Variants in PDLIM2 observed in about 807,000 individuals in gnomAD.
PDLIM2 encodes PDZ and LIM domain protein 2.
In PDLIM2, 51 loss-of-function variants were observed where a neutral mutation model predicts 54.1. That is an observed-to-expected ratio of 0.94 (90% CI 0.75 to 1.19). The LOEUF (loss-of-function observed/expected upper bound fraction) is 1.19, where lower values mean the gene tolerates loss of function less well. PDLIM2 is among the 50% of genes most tolerant of loss of function. The pLI, the probability that PDLIM2 is intolerant of heterozygous loss-of-function variation, is 0.00. For synonymous variants in PDLIM2, 398 were observed against 385.6 expected, an observed-to-expected ratio of 1.03 and a Z score of -0.38; for missense variants, 912 against 874.0, an observed-to-expected ratio of 1.04 and a Z score of -0.55.
Position 22,579,396 on chromosome 8 carries a change from T to TCCTCCAG in PDLIM2, c.620_626dup (p.Arg212ProfsTer18), listed in dbSNP as rs1227764687. On this transcript the variant is annotated frameshift_variant, in exon 1 of 10. Transcript: ENST00000308354. LOFTEE classifies it high-confidence loss of function. ...GCGCTCTCCCCGGCCGGAGCGCTCC[T>TCCTCCAG]CCTCCAGCCCCCAGCCCGCAGGGTA... is the stretch of plus-strand genomic sequence containing the variant. 6.6e-7 allele frequency: 1 copy of TCCTCCAG among 1,506,452 alleles called. No individual in the cohort carries two copies. The highest frequency in any genetic ancestry group is 1.4e-5 in the African/African-American group (1 of 69,614). 93.3% of individuals were successfully genotyped at this position (1,506,452 alleles called of 1,614,324 possible).
chr8:22,585,105 C>A lies in PDLIM2; in HGVS notation c.1154C>A (p.Pro385His), dbSNP rs776568179. The A allele has an allele frequency of 1.9e-6, 3 of 1,613,832 alleles. No individual in the cohort carries two copies. The African/African-American group carries it at 4.0e-5, about 22-fold the overall frequency. ...TCCCTCAGCCCGAGGGCCGGCAGCC[C>A]CTTCTCACCACCACCCTCTAGCAGC... The change falls in exon 5 of 10, where the codon CCC (proline) becomes CAC (histidine). Residue 385 changes from proline (P) to histidine (H), a missense_variant. By Grantham distance (77) the Pro-to-His change is moderately conservative (BLOSUM62 -2). Coordinates refer to ENST00000308354, the Ensembl canonical transcript of PDLIM2.
At chr8:22,591,384 G>C (rs904309913) in intron 8 of PDLIM2, 167 bp from the exon 8 acceptor site, 2 of 671,570 alleles carry the variant, frequency 3.0e-6, no homozygotes, top group African/African-American at 3.6e-5. Context: ...CCCAGCCTCA[G>C]CCATGGATCT....
At chr8:22,594,518 C>T (rs1196007399), downstream of PDLIM2, 5 of 1,613,746 alleles carry the variant, frequency 3.1e-6, no homozygotes, top group Non-Finnish European at 4.2e-6. Context: ...TGTAAAGATG[C>T]CCGTTTTACA....
At position 22,581,178 on chromosome 8, in the gene PDLIM2, C is replaced by T. The variant is rs947114511; in HGVS notation, c.844-201C>T. 4.5e-5 allele frequency: 30 copies of T among 666,734 alleles called. No homozygotes were observed. In the South Asian group the frequency reaches 5.0e-4, roughly 11 times the overall value. 41.3% of individuals were successfully genotyped at this position (666,734 alleles called of 1,614,324 possible). On this transcript the variant is annotated intron_variant, in intron 2 of 9. Transcript: ENST00000308354. ...ATTCTTTGGGAGGCCCATTAGAATGCCAGTGTGGGGTGGGGGCTGCCACCT... is the reference window on the plus strand; with the variant it reads ...ATTCTTTGGGAGGCCCATTAGAATGTCAGTGTGGGGTGGGGGCTGCCACCT...
At chr8:22,591,872 T>A (rs972403536) in intron 9 of PDLIM2, 2 of 500,432 alleles carry the variant, frequency 4.0e-6, no homozygotes, top group East Asian at 3.4e-5. Context: ...TGCTTCCGGC[T>A]GCATCTCCTC....
At chr8:22,594,435 C>A, downstream of PDLIM2, 1 of 1,599,952 alleles carries the variant, frequency 6.3e-7, no homozygotes, top group Non-Finnish European at 8.5e-7. Context: ...CTGCCAGTTG[C>A]CTGCACCTGA....
chr8:22,578,756 G>A, exon 1 of PDLIM2: 1 of 1,233,574 alleles, frequency 8.1e-7, no homozygotes, highest in Middle Eastern at 2.2e-4. Flanking sequence ...CACCCAGGCA[G>A]CCCACCCTGC....
chr8:22,589,714 C>A (rs1358362011), exon 8 of PDLIM2: 1 of 1,570,544 alleles, frequency 6.4e-7, no homozygotes, highest in Admixed American at 1.8e-5. Flanking sequence ...TCGGCTCTTG[C>A]AGGAAGCCCT....
At chr8:22,594,052 C>T in exon 10 of PDLIM2, 3 of 1,448,282 alleles carry the variant, frequency 2.1e-6, no homozygotes, top group Admixed American at 2.6e-5. Context: ...GCTGGGTGGG[C>T]CAAGGTCTGG....
At chr8:22,589,738 A>G in exon 8 of PDLIM2, 3 of 1,564,450 alleles carry the variant, frequency 1.9e-6, no homozygotes, top group Non-Finnish European at 2.6e-6. Flanking sequence ...GGCTGAGGAG[A>G]GAGGTGAGGG....
chr8:22,579,131 G>A, exon 1 of PDLIM2: 1 of 1,306,998 alleles, frequency 7.7e-7, no homozygotes, highest in Non-Finnish European at 9.7e-7. Flanking sequence ...GCTCTCCCCA[G>A]AGTCGGGTAG....
At chr8:22,589,306 C>G in exon 7 of PDLIM2, 1 of 1,534,050 alleles carries the variant, frequency 6.5e-7, no homozygotes, top group Non-Finnish European at 8.7e-7. Context: ...AGGCCGGCCT[C>G]GGCCGCGCTG....
At chr8:22,597,465 C>T (rs1800704122), downstream of PDLIM2, 1 of 152,426 alleles carries the variant, frequency 6.6e-6, no homozygotes, top group African/African-American at 2.4e-5. Flanking sequence ...GCGCCATGGC[C>T]TGGAGGGGAG....
rs372951402 is a variant in PDLIM2, at chr8:22,585,305, C to T, written c.1212-16C>T. The T allele has an allele frequency of 2.5e-6, 4 of 1,612,860 alleles. No individual in the cohort carries two copies. The highest frequency in any genetic ancestry group is 3.4e-6 in the Non-Finnish European group (4 of 1,179,786). ...GGGGGTGGCCCTGGCACACACTGTC[C>T]CTTTCCCACTTTCAGCTTCCAGAGT... On this transcript the variant is annotated splice_polypyrimidine_tract_variant and intron_variant, in intron 5 of 9. Coordinates refer to ENST00000308354, the Ensembl canonical transcript of PDLIM2.
intron 5 of PDLIM2, 59 bp downstream of exon 4, chr8:22,585,221 C>T: frequency 3.1e-6 from 5 of 1,605,224 alleles, no homozygotes; most frequent in African/African-American, 1.3e-5. Flanking sequence ...CAGGCTGGCT[C>T]CTCTGAGTCT....
At chr8:22,580,124 C>T (rs1800145995) in intron 1 of PDLIM2, 1 of 235,126 alleles carries the variant, frequency 4.3e-6, no homozygotes. Flanking sequence ...GTCACTCCTG[C>T]TTCCTGAGCC....
At chr8:22,597,464 C>T (rs1350862916), downstream of PDLIM2, 1 of 152,398 alleles carries the variant, frequency 6.6e-6, no homozygotes, top group Admixed American at 6.5e-5. Context: ...TGCGCCATGG[C>T]CTGGAGGGGA....
chr8:22,583,698 T>C (rs1164678295), intron 3 of PDLIM2, among the ~76,000 whole-genome samples: 1 of 151,082 alleles, frequency 6.6e-6, no homozygotes, highest in Non-Finnish European at 1.5e-5. Flanking sequence ...ACCCAGGAGG[T>C]GGAGGTTGCA....
intron 6 of PDLIM2, chr8:22,588,003 G>A (rs1800428186): frequency 6.6e-6 from 1 of 152,340 alleles, no homozygotes; most frequent in Non-Finnish European, 1.5e-5. Context: ...CGGTGCCCTA[G>A]GCAGGGCCCA....
Sources: allele counts gnomAD v4.1 joint callset (sites outside exome capture counted in the v4.1 genomes callset), GRCh38; gene constraint gnomAD v4.1.1; transcripts MANE v1.5; gene names NCBI Gene and HGNC (gene_info 2026-07-23, HGNC 2026-07-21).